The following TMEM116 variants were observed in gnomAD, a reference collection of about 807,000 sequenced individuals.
The protein encoded by TMEM116 is transmembrane protein 116.
A neutral mutation model predicts 44.3 loss-of-function variants in TMEM116; 38 were observed. The observed-to-expected ratio is 0.86, with a 90% CI of 0.66 to 1.12. TMEM116 has a LOEUF of 1.12. Ranked by LOEUF, TMEM116 falls within the 50% of genes most tolerant of loss-of-function variation. TMEM116 has a pLI of 0.00. For missense variants in TMEM116, 354 were observed against 401.7 expected, an observed-to-expected ratio of 0.88 and a Z score of 1.01; for synonymous variants, 132 against 144.8, an observed-to-expected ratio of 0.91 and a Z score of 0.64.
intron 1 of TMEM116, chr12:112,005,700 G>A: frequency 1.0e-6 from 1 of 985,178 alleles, no homozygotes; most frequent in Non-Finnish European, 1.2e-6. Flanking sequence ...ATAAAAGGAA[G>A]AACAAAATGT....
At chr12:111,993,408 T>C (rs57646770) in intron 3 of TMEM116, 95,336 of 544,024 alleles carry the variant, frequency 0.18, 9,122 homozygotes, top group Middle Eastern at 0.29. Context: ...GTTTGGCTTT[T>C]ATGAAGTCTT....
intron 5 of TMEM116, among the ~76,000 whole-genome samples, chr12:111,941,105 C>T (rs12582100): frequency 0.067 from 10,119 of 152,158 alleles, 470 homozygotes; most frequent in East Asian, 0.23. Flanking sequence ...AGGCCGGGCG[C>T]GTTGGCTCAT....
intron 4 of TMEM116, among the ~76,000 whole-genome samples, chr12:111,964,440 CAA>C (rs553179003): frequency 3.4e-4 from 21 of 62,080 alleles, no homozygotes; most frequent in Admixed American, 3.8e-4. Flanking sequence ...GACTCCATCT[CAA>C]AAAAAAAAAA....
intron 4 of TMEM116, among the ~76,000 whole-genome samples, chr12:111,949,071 G>A (rs560003461): frequency 3.9e-5 from 6 of 152,108 alleles, no homozygotes; most frequent in Non-Finnish European, 5.9e-5. Flanking sequence ...CTATGATTGC[G>A]CCACTGTGCT....
chr12:111,958,277 TAAAAAAAAAAAAAAAAAA>T (rs61637468), intron 4 of TMEM116, among the ~76,000 whole-genome samples: 1 of 27,494 alleles, frequency 3.6e-5, no homozygotes, highest in Non-Finnish European at 9.0e-5. Context: ...CAATAAATAC[TAAAAAAAAAAAAAAAAAA>T]AAAAAAAAAA....
At chr12:111,974,716 A>C (rs1328114456) in intron 4 of TMEM116, among the ~76,000 whole-genome samples, 2 of 151,956 alleles carry the variant, frequency 1.3e-5, no homozygotes, top group Non-Finnish European at 2.9e-5. Flanking sequence ...GGAAAAAGTA[A>C]CATTTTTATT....
In TMEM116 at chr12:112,011,802, G is replaced by A. The variant is rs562746747; in HGVS notation, c.-34+1200C>T. The A allele has an allele frequency of 3.3e-5, 5 of 152,366 alleles. No homozygotes were observed. The East Asian group carries it at 7.7e-4, about 24-fold the overall frequency. 9.4% of individuals were successfully genotyped at this position (152,366 alleles called of 1,614,324 possible). A position where few individuals can be genotyped will look rare whatever the true frequency, so the allele number is the denominator to read the frequency against. ...CAGCCTCGACCCCTCAGGTCCAAGT[G>A]ATCCTGCTGCCTCAGCCTCCCAAGT... is the stretch of plus-strand genomic sequence containing the variant. On this transcript the variant is annotated intron_variant, in intron 1 of 10. Coordinates refer to ENST00000552374, the MANE Select transcript of TMEM116 (RefSeq NM_001193531.2).
intron 3 of TMEM116, 186 bp downstream of exon 3, chr12:112,003,614 C>G: frequency 3.1e-6 from 2 of 654,684 alleles, no homozygotes; most frequent in Non-Finnish European, 2.3e-6. Context: ...AAAGTTATAG[C>G]TAAAATAATT....
chr12:111,941,352 G>C (rs2072800269), intron 5 of TMEM116, among the ~76,000 whole-genome samples: 2 of 150,472 alleles, frequency 1.3e-5, no homozygotes, highest in East Asian at 3.9e-4. Flanking sequence ...CTTCAGCCTG[G>C]CGACAGAGCG....
intron 4 of TMEM116, among the ~76,000 whole-genome samples, chr12:111,976,062 G>A (rs982824897): frequency 1.3e-5 from 2 of 151,992 alleles, no homozygotes; most frequent in Non-Finnish European, 2.9e-5. Flanking sequence ...GTGCTGGAGT[G>A]CAGTGGTGCG....
At chr12:111,977,030 C>G (rs1396001076) in intron 4 of TMEM116, among the ~76,000 whole-genome samples, 1 of 151,862 alleles carries the variant, frequency 6.6e-6, no homozygotes, top group East Asian at 1.9e-4. Context: ...GAAGAAAGAG[C>G]AAAAGAAACA....
At chr12:111,942,910 G>T (rs2072974159) in intron 5 of TMEM116, among the ~76,000 whole-genome samples, 1 of 151,982 alleles carries the variant, frequency 6.6e-6, no homozygotes, top group South Asian at 2.1e-4. Context: ...CACCTAGCTA[G>T]TGCTAAATGC....
At chr12:111,960,220 T>C (rs1233839172) in intron 4 of TMEM116, among the ~76,000 whole-genome samples, 1 of 152,088 alleles carries the variant, frequency 6.6e-6, no homozygotes, top group African/African-American at 2.4e-5. Context: ...CCGGGCACAG[T>C]GGCTCATGCC....
chr12:111,987,513 A>T (rs1329539052), intron 4 of TMEM116, among the ~76,000 whole-genome samples: 1 of 151,654 alleles, frequency 6.6e-6, no homozygotes, highest in Non-Finnish European at 1.5e-5. Flanking sequence ...CCCCCTCAAA[A>T]AAAAAAAAAA....
chr12:111,993,576 G>A (rs2076746758), intron 3 of TMEM116: 9 of 542,760 alleles, frequency 1.7e-5, no homozygotes, highest in Middle Eastern at 3.3e-4. Flanking sequence ...CCAAGACTTT[G>A]AGGGATGCAG....
At chr12:111,955,883 C>G (rs776632570) in intron 4 of TMEM116, among the ~76,000 whole-genome samples, 4 of 152,090 alleles carry the variant, frequency 2.6e-5, no homozygotes, top group Non-Finnish European at 4.4e-5. Context: ...TAGGCTATAC[C>G]ATATAGCTTA....
chr12:111,970,780 G>A (rs894962683), intron 4 of TMEM116, among the ~76,000 whole-genome samples: 1 of 151,868 alleles, frequency 6.6e-6, no homozygotes, highest in Non-Finnish European at 1.5e-5. Flanking sequence ...AGTGGAGATG[G>A]GGTTTCACCG....
chr12:112,012,914 G>A (rs2077916233), intron 1 of TMEM116, 88 bp downstream of exon 1: 1 of 154,970 alleles, frequency 6.5e-6, no homozygotes, highest in African/African-American at 2.4e-5. Context: ...AAAAAGCTCA[G>A]GGAAGCCGCG....
At chr12:112,013,210 C>G, upstream of TMEM116, 1 of 430,972 alleles carries the variant, frequency 2.3e-6, no homozygotes, top group Non-Finnish European at 4.1e-6. Context: ...CGCGCAGGAG[C>G]CCATTTTCCC....
Sources: allele counts gnomAD v4.1 joint callset (sites outside exome capture counted in the v4.1 genomes callset), GRCh38; gene constraint gnomAD v4.1.1; transcripts MANE v1.5; gene names NCBI Gene and HGNC (gene_info 2026-07-23, HGNC 2026-07-21).